ACTR3B: variants seen among roughly 807,000 people sequenced by gnomAD.
ACTR3B encodes the protein actin related protein 3B, also known as actin-related protein 3B.
ACTR3B carries 8 observed loss-of-function variants against 59.0 expected under a neutral mutation model. That is an observed-to-expected ratio of 0.14 (90% CI 0.08 to 0.24). The LOEUF (loss-of-function observed/expected upper bound fraction) is 0.24, where lower values mean the gene tolerates loss of function less well. Among genes scored for constraint, ACTR3B ranks in the 10% least tolerant of loss-of-function variants. ACTR3B has a pLI of 1.00. For synonymous variants in ACTR3B, 148 were observed against 197.9 expected (o/e 0.75, Z 2.12); for missense variants, 245 against 552.3 (o/e 0.44, Z 5.58).
chr7:152,848,515 A>G (rs536767565), intron 9 of ACTR3B, among the ~76,000 whole-genome samples: 139 of 152,316 alleles, frequency 9.1e-4, no homozygotes, highest in African/African-American at 3.2e-3. Flanking sequence ...GCCCTTAGAA[A>G]TGTCTAATTC....
At position 152,780,975 on chromosome 7, in the gene ACTR3B, C is replaced by G. The variant is rs565462744; in HGVS notation, c.45-2212C>G. Among the ~76,000 whole-genome samples, 9 of 151,590 alleles carry G rather than the reference C, an allele frequency of 5.9e-5. No homozygotes were observed. In the East Asian group the frequency reaches 1.7e-3, roughly 29 times the overall value. On this transcript the variant is annotated intron_variant, in intron 1 of 11. Transcript: ENST00000256001. ...GTCCTCTTGCCTCAGTCTATTATCC[C>G]CATTTTATAGTAACTGACATACAGA...
At chr7:152,797,892 AT>A (rs1563103468) in intron 2 of ACTR3B, among the ~76,000 whole-genome samples, 1 of 152,102 alleles carries the variant, frequency 6.6e-6, no homozygotes, top group Non-Finnish European at 1.5e-5. Flanking sequence ...GCTGAATAGT[AT>A]TCCACTGTTT....
intron 1 of ACTR3B, among the ~76,000 whole-genome samples, chr7:152,761,739 A>C (rs1340317443): frequency 6.6e-6 from 1 of 152,220 alleles, no homozygotes. Context: ...GAATTTACCA[A>C]CTTGAGCACA....
chr7:152,832,474 G>A (rs1458785323), intron 9 of ACTR3B, among the ~76,000 whole-genome samples: 3 of 152,204 alleles, frequency 2.0e-5, no homozygotes, highest in African/African-American at 7.2e-5. Flanking sequence ...TTAAGGATGA[G>A]CAGAGAAAGA....
At chr7:152,810,104 T>C (rs35572708) in intron 4 of ACTR3B, among the ~76,000 whole-genome samples, 1 of 152,022 alleles carries the variant, frequency 6.6e-6, no homozygotes, top group African/African-American at 2.4e-5. Flanking sequence ...CCCCTCTCCC[T>C]CCACCTTGTT....
chr7:152,763,584 C>T (rs558493159), intron 1 of ACTR3B, among the ~76,000 whole-genome samples: 8 of 151,936 alleles, frequency 5.3e-5, no homozygotes, highest in South Asian at 2.1e-4. Flanking sequence ...CCACCATGCC[C>T]GGCTAACTTT....
At chr7:152,790,318 A>G (rs1446301730) in intron 2 of ACTR3B, among the ~76,000 whole-genome samples, 2 of 151,836 alleles carry the variant, frequency 1.3e-5, no homozygotes, top group African/African-American at 4.8e-5. Context: ...ACTTTAATAC[A>G]TTTTCGAATA....
intron 10 of ACTR3B, 150 bp downstream of exon 10, chr7:152,852,401 A>G (rs1390567218): frequency 9.3e-7 from 1 of 1,073,134 alleles, no homozygotes; most frequent in African/African-American, 1.6e-5. Flanking sequence ...TGACATGACC[A>G]TGGAGGTTTG....
chr7:152,847,235 C>T (rs1798422131), intron 9 of ACTR3B, among the ~76,000 whole-genome samples: 1 of 151,886 alleles, frequency 6.6e-6, no homozygotes, highest in Non-Finnish European at 1.5e-5. Flanking sequence ...AGCTCTAGTG[C>T]CCGGGGCTGC....
At chr7:152,848,191 G>A (rs574823830) in intron 9 of ACTR3B, among the ~76,000 whole-genome samples, 5 of 152,350 alleles carry the variant, frequency 3.3e-5, no homozygotes, top group South Asian at 2.1e-4. Context: ...TTCGACAGTC[G>A]TCTTGGGAAG....
At chr7:152,810,503 C>T (rs1265571225) in intron 4 of ACTR3B, among the ~76,000 whole-genome samples, 8 of 150,606 alleles carry the variant, frequency 5.3e-5, no homozygotes, top group Admixed American at 2.0e-4. Flanking sequence ...TGCAGTCATA[C>T]AGCCACTACA....
At chr7:152,762,807 G>T (rs565575864) in intron 1 of ACTR3B, among the ~76,000 whole-genome samples, 346 of 152,194 alleles carry the variant, frequency 2.3e-3, no homozygotes, top group Middle Eastern at 0.01. Flanking sequence ...ATTTTTGACA[G>T]CCAGTTGTTA....
At chr7:152,759,968 C>T in intron 1 of ACTR3B, 42 bp downstream of exon 1, 1 of 1,316,942 alleles carries the variant, frequency 7.6e-7, no homozygotes, top group Non-Finnish European at 9.7e-7. Flanking sequence ...TCCGCGGCCC[C>T]GCTCCCGGCC....
chr7:152,803,703 G>A (rs2098243787), intron 4 of ACTR3B, among the ~76,000 whole-genome samples: 1 of 152,152 alleles, frequency 6.6e-6, no homozygotes, highest in African/African-American at 2.4e-5. Context: ...GTAACCACTT[G>A]CCAGGATGGA....
intron 9 of ACTR3B, among the ~76,000 whole-genome samples, chr7:152,845,539 G>A (rs1346989099): frequency 1.3e-5 from 2 of 152,334 alleles, no homozygotes; most frequent in Admixed American, 6.5e-5. Flanking sequence ...GACGTTTCAC[G>A]GTGAGGAAGC....
At chr7:152,788,048 C>T (rs1371788378) in intron 2 of ACTR3B, among the ~76,000 whole-genome samples, 2 of 151,972 alleles carry the variant, frequency 1.3e-5, no homozygotes, top group Non-Finnish European at 2.9e-5. Flanking sequence ...CCTCAGCCTC[C>T]CGAGTAGCTG....
intron 1 of ACTR3B, among the ~76,000 whole-genome samples, chr7:152,763,613 C>T (rs570710272): frequency 4.9e-4 from 74 of 151,978 alleles, no homozygotes; most frequent in African/African-American, 1.5e-3. Flanking sequence ...TTGGTAGAGA[C>T]GGGATTTCAT....
At chr7:152,800,474 A>G in intron 2 of ACTR3B, 57 bp from the exon 3 acceptor site, 1 of 1,586,812 alleles carries the variant, frequency 6.3e-7, no homozygotes, top group Non-Finnish European at 8.6e-7. Context: ...ATCCCTTTTG[A>G]TCATTTAAAT....
rs1433374222 is a variant in ACTR3B, at chr7:152,824,542, AT to A, written c.859-487del. On this transcript the variant is annotated intron_variant, in intron 8 of 11. Coordinates refer to ENST00000256001, the MANE Select transcript of ACTR3B (RefSeq NM_020445.6). The surrounding 1 kb of genome is among the most constrained non-coding windows in gnomAD (Gnocchi z 4.2). Reference sequence around the variant, plus strand: ...ACATGATTATCATGTGGATTGTTTCATGTTAAACAAACCCTTCTCATTAAAC... The same window carrying A: ...ACATGATTATCATGTGGATTGTTTCAGTTAAACAAACCCTTCTCATTAAAC... Among the ~76,000 whole-genome samples, 7 of 152,196 alleles carry A rather than the reference AT, an allele frequency of 4.6e-5. No individual in the cohort carries two copies. The highest frequency in any genetic ancestry group is 1.7e-4 in the African/African-American group (7 of 41,440).
Sources: gnomAD v4.1 joint callset for allele counts (sites outside exome capture counted in the v4.1 genomes callset) on GRCh38, gnomAD v4.1.1 for gene constraint, Gnocchi (gnomAD v3.1) non-coding constraint, MANE v1.5 for transcripts, NCBI Gene and HGNC (gene_info 2026-07-23, HGNC 2026-07-21) for gene names.